Variants in ACO2 observed in about 807,000 individuals in gnomAD.
The protein encoded by ACO2 is aconitase 2, also known as aconitate hydratase, mitochondrial.
In ACO2, 31 loss-of-function variants were observed where a neutral mutation model predicts 84.5. The ratio of observed to expected loss-of-function variants is 0.37; its 90% CI spans 0.28 to 0.50. The LOEUF is 0.50. Among genes scored for constraint, ACO2 ranks in the 20% least tolerant of loss-of-function variants. The pLI is 0.97. For missense variants in ACO2, 685 were observed against 1,029.3 expected, an observed-to-expected ratio of 0.67 and a Z score of 4.58; for synonymous variants, 414 against 412.7, an observed-to-expected ratio of 1.00 and a Z score of -0.04.
chr22:41,493,479 C>G (rs2066289415), intron 1 of ACO2, among the ~76,000 whole-genome samples: 1 of 152,146 alleles, frequency 6.6e-6, no homozygotes, highest in African/African-American at 2.4e-5. Context: ...CTGAGATTTC[C>G]CCTGAGGACT....
chr22:41,482,712 C>T (rs1383149734), intron 1 of ACO2, among the ~76,000 whole-genome samples: 2 of 152,316 alleles, frequency 1.3e-5, no homozygotes, highest in East Asian at 3.9e-4. Flanking sequence ...TTAGGCCTGT[C>T]ATGTGCCAGG....
intron 8 of ACO2, among the ~76,000 whole-genome samples, chr22:41,518,782 A>AG (rs1373604446): frequency 6.6e-6 from 1 of 152,044 alleles, no homozygotes; most frequent in East Asian, 1.9e-4. Context: ...AAAAAAAAAA[A>AG]AAAAAATACA....
At chr22:41,518,364 C>T (rs2066492350) in intron 7 of ACO2, 117 bp from the exon 8 acceptor site, 1 of 745,446 alleles carries the variant, frequency 1.3e-6, no homozygotes, top group East Asian at 2.6e-5. Flanking sequence ...TCTTCATTGG[C>T]CTAGTCAGTG....
At chr22:41,487,632 A>G (rs2066238111) in intron 1 of ACO2, among the ~76,000 whole-genome samples, 1 of 152,166 alleles carries the variant, frequency 6.6e-6, no homozygotes. Context: ...CATCTGTCAA[A>G]CAAAGAAAAA....
At chr22:41,477,392 C>T (rs1224472538) in intron 1 of ACO2, among the ~76,000 whole-genome samples, 1 of 151,584 alleles carries the variant, frequency 6.6e-6, no homozygotes, top group Non-Finnish European at 1.5e-5. Context: ...ATCTCCTGAC[C>T]TTGTGATCCA....
intron 1 of ACO2, among the ~76,000 whole-genome samples, chr22:41,493,599 T>C (rs1193920355): frequency 6.6e-6 from 1 of 152,196 alleles, no homozygotes; most frequent in Non-Finnish European, 1.5e-5. Flanking sequence ...TACTAATTTA[T>C]AAACCTAAGC....
Position 41,518,483 on chromosome 22 carries a change from A to G in ACO2, c.943A>G (p.Ile315Val). The G allele has an allele frequency of 6.2e-7, 1 of 1,612,842 alleles. No homozygotes were observed. The highest frequency in any genetic ancestry group is 8.5e-7 in the Non-Finnish European group (1 of 1,179,228). Residue 315 changes from isoleucine to valine, a missense_variant and splice_region_variant, in exon 8 of 18, where the codon ATT (isoleucine) becomes GTT (valine). By Grantham distance (29) the Ile-to-Val change is conservative. Transcript: ENST00000216254. ...TCCCCGTCCCTTGTTGATTTCAGAC[A>G]TTGCCAATCTAGCTGATGAATTCAA... ...KYLSKTGRED[I>V]ANLADEFKDH...
intron 14 of ACO2, chr22:41,525,780 C>T (rs1028002875): frequency 2.8e-5 from 6 of 214,410 alleles, no homozygotes; most frequent in African/African-American, 9.2e-5. Flanking sequence ...TTGTGTTTGG[C>T]ACCGACCAAA....
intron 13 of ACO2, 78 bp from the exon 14 acceptor site, chr22:41,525,115 G>A: frequency 3.8e-6 from 6 of 1,594,914 alleles, no homozygotes; most frequent in Non-Finnish European, 5.1e-6. Flanking sequence ...TGGGGCCCGA[G>A]GAAACTTGCC....
In ACO2 at chr22:41,508,081, G is replaced by A. The variant is rs573877104; in HGVS notation, c.432+32G>A. The A allele has an allele frequency of 1.2e-4, 186 of 1,593,916 alleles. No individual in the cohort carries two copies. The South Asian group carries it at 1.4e-3, about 12-fold the overall frequency. ...AGAAGGTGGCTTTGGGGGTGGGCAA[G>A]TGGGCAAGACTGGGCGAGAGGCCTC... On this transcript the variant is annotated intron_variant, in intron 3 of 17. Coordinates refer to ENST00000216254, the MANE Select transcript of ACO2 (RefSeq NM_001098.3).
At chr22:41,503,139 A>G (rs1205006892) in intron 2 of ACO2, among the ~76,000 whole-genome samples, 1 of 152,172 alleles carries the variant, frequency 6.6e-6, no homozygotes. Flanking sequence ...ATACCCTTTA[A>G]GGCACTGGGA....
intron 1 of ACO2, among the ~76,000 whole-genome samples, chr22:41,475,160 T>A (rs1245369849): frequency 6.7e-6 from 1 of 150,076 alleles, no homozygotes; most frequent in African/African-American, 2.5e-5. Context: ...AAAAAAAAAT[T>A]GTTTTTTCCT....
chr22:41,504,733 T>A (rs2146112010), intron 2 of ACO2, among the ~76,000 whole-genome samples: 1 of 144,500 alleles, frequency 6.9e-6, no homozygotes, highest in Admixed American at 6.8e-5. Context: ...TTTTTTTTTT[T>A]TTTTTTTTGA....
intron 2 of ACO2, among the ~76,000 whole-genome samples, chr22:41,506,967 C>T (rs903083825): frequency 1.3e-4 from 20 of 151,764 alleles, no homozygotes; most frequent in African/African-American, 2.9e-4. Context: ...AGTGGACCCG[C>T]GCAGAGCTCA....
At chr22:41,506,077 GT>G (rs144210087) in intron 2 of ACO2, among the ~76,000 whole-genome samples, 5 of 147,118 alleles carry the variant, frequency 3.4e-5, no homozygotes, top group East Asian at 2.0e-4. Context: ...GGGCTTTTTT[GT>G]TTTTTTTTTG....
At chr22:41,512,022 C>A in intron 4 of ACO2, 54 bp downstream of exon 4, 1 of 1,464,172 alleles carries the variant, frequency 6.8e-7, no homozygotes, top group Non-Finnish European at 9.3e-7. Context: ...GAAGTATGTT[C>A]CAGGCCTATG....
chr22:41,498,806 G>A (rs972027711), intron 1 of ACO2, among the ~76,000 whole-genome samples: 1 of 152,016 alleles, frequency 6.6e-6, no homozygotes, highest in East Asian at 1.9e-4. Context: ...TCAAAGGGAG[G>A]GTAATGGCTG....
Position 41,515,971 on chromosome 22 carries a change from T to C in ACO2, c.835+54T>C. On this transcript the variant is annotated intron_variant, in intron 6 of 17. Transcript: ENST00000216254. This position sits in a 1 kb window ranked among gnomAD's most constrained non-coding sequence, Gnocchi z 5.8. ...CCTACCCTGTGCTGGGCCTGATGGGTCTCCAGTTGGGAGTAGAAGCGGTGA... is the reference window on the plus strand; with the variant it reads ...CCTACCCTGTGCTGGGCCTGATGGGCCTCCAGTTGGGAGTAGAAGCGGTGA... 1.3e-6 allele frequency: 2 copies of C among 1,582,694 alleles called. No homozygotes were observed. The highest frequency in any genetic ancestry group is 2.3e-5 in the South Asian group (2 of 87,728).
rs774956067 is a variant in ACO2 at position 41,469,187 on chromosome 22, G to A, written c.36+5G>A. 6.2e-7 allele frequency: 1 copy of A among 1,607,602 alleles called. No homozygotes were observed. Among genetic ancestry groups the A allele is most frequent in the Non-Finnish European group, 8.5e-7 (1 of 1,176,838 alleles). Reference sequence around the variant, plus strand: ...CTACTGGTGACTCGGCTGCAGGTGAGCGAGCTCAGGGACCTCTGGGTTCAC... The same window carrying A: ...CTACTGGTGACTCGGCTGCAGGTGAACGAGCTCAGGGACCTCTGGGTTCAC... On this transcript the variant is annotated splice_donor_5th_base_variant and intron_variant, in intron 1 of 17. Coordinates refer to ENST00000216254, the MANE Select transcript of ACO2 (RefSeq NM_001098.3).
Sources: gnomAD v4.1 joint callset for allele counts (sites outside exome capture counted in the v4.1 genomes callset) on GRCh38, gnomAD v4.1.1 for gene constraint, Gnocchi (gnomAD v3.1) non-coding constraint, MANE v1.5 for transcripts, NCBI Gene and HGNC (gene_info 2026-07-23, HGNC 2026-07-21) for gene names.